KRT7: variants seen among roughly 807,000 people sequenced by gnomAD.
KRT7 encodes keratin 7, also known as keratin, type II cytoskeletal 7.
Under a neutral mutation model 42.8 loss-of-function variants are expected in KRT7, and 50 were observed. That is an observed-to-expected ratio of 1.17 (90% confidence interval 0.93 to 1.48). The LOEUF (loss-of-function observed/expected upper bound fraction) is 1.48. Among genes scored for constraint, KRT7 ranks in the 40% most tolerant of loss-of-function variants. The pLI is 0.00. For synonymous variants in KRT7, 268 were observed against 266.3 expected (o/e 1.01, Z -0.06); for missense variants, 588 against 637.6 (o/e 0.92, Z 0.84).
At chr12:52,234,420 G>GC in intron 1 of KRT7, among the ~76,000 whole-genome samples, 1 of 152,298 alleles carries the variant, frequency 6.6e-6, no homozygotes, top group Non-Finnish European at 1.5e-5. Context: ...TCTGGCCAGG[G>GC]CCCCCTTCCT....
In KRT7 at chr12:52,233,608, C is replaced by T; in HGVS notation, c.312C>T (p.Ser104=). 6.2e-7 allele frequency: 1 copy of T among 1,612,708 alleles called. No individual in the cohort carries two copies. The highest frequency in any genetic ancestry group is 8.5e-7 in the Non-Finnish European group (1 of 1,179,680). The part of the protein sequence containing the change: ...QIKTLNNKFA[S]FIDKVRFLEQ... ...AGACCCTCAACAACAAGTTTGCCTC[C>T]TTCATCGACAAGGTGAGCGGGACTG... is the stretch of plus-strand genomic sequence containing the variant. Residue 104 remains serine (S), a synonymous_variant, in exon 1 of 9, where the codon TCC becomes TCT. Coordinates refer to ENST00000331817, the MANE Select transcript of KRT7 (RefSeq NM_005556.4).
In KRT7 at chr12:52,238,682, T is replaced by A. The variant is rs1191294012; in HGVS notation, c.600T>A (p.Asp200Glu). 5.6e-6 allele frequency: 9 copies of A among 1,610,750 alleles called. No individual in the cohort carries two copies. The highest frequency in any genetic ancestry group is 6.8e-6 in the Non-Finnish European group (8 of 1,176,924). The change falls in exon 4 of 9, where the codon GAT becomes GAA. Residue 200 changes from aspartate (D) to glutamate (E), a missense_variant and splice_region_variant. Coordinates refer to ENST00000331817, the MANE Select transcript of KRT7 (RefSeq NM_005556.4). The stretch of plus-strand genomic sequence containing the variant: ...CCCCATCTTGCCCCAACCCCCAGGA[T>A]GTGGATGCTGCCTACATGAGCAAGG... ...AENEFVVLKK[D>E]VDAAYMSKVE...
downstream of KRT7, chr12:52,255,331 G>A (rs928573709): frequency 5.9e-5 from 27 of 456,674 alleles, no homozygotes; most frequent in Admixed American, 5.4e-4. Flanking sequence ...TAGGGGACAA[G>A]GATTCTGGGG....
intron 5 of KRT7, 120 bp downstream of exon 5, chr12:52,241,756 G>C: frequency 1.2e-6 from 1 of 852,878 alleles, no homozygotes; most frequent in Admixed American, 2.8e-5. Context: ...AGGCACCAGT[G>C]GTTTAAGTCT....
chr12:52,239,520 A>G (rs180888494), intron 4 of KRT7, among the ~76,000 whole-genome samples: 2 of 152,284 alleles, frequency 1.3e-5, no homozygotes, highest in Admixed American at 1.3e-4. Flanking sequence ...TCAGGAATTC[A>G]GGACAGGCTA....
At chr12:52,240,947 C>A (rs1473418963) in intron 4 of KRT7, among the ~76,000 whole-genome samples, 1 of 150,658 alleles carries the variant, frequency 6.6e-6, no homozygotes, top group Middle Eastern at 3.4e-3. Context: ...CCGACAGGCC[C>A]CGGTGTGTGA....
At chr12:52,244,891 G>A (rs1442347060) in intron 6 of KRT7, among the ~76,000 whole-genome samples, 2 of 152,120 alleles carry the variant, frequency 1.3e-5, no homozygotes, top group Non-Finnish European at 2.9e-5. Context: ...TTCTGCGCCT[G>A]CTCTCAACTG....
chr12:52,253,634 G>T, downstream of KRT7: 1 of 1,550,682 alleles, frequency 6.4e-7, no homozygotes, highest in Middle Eastern at 1.7e-4. Context: ...CCTCGGCCCG[G>T]CTGCGGGTGG....
At chr12:52,244,552 C>G in intron 6 of KRT7, 1 of 985,816 alleles carries the variant, frequency 1.0e-6, no homozygotes, top group Non-Finnish European at 1.2e-6. Flanking sequence ...AATGCTGTCT[C>G]TGGCAGAGAG....
chr12:52,233,438 CGCGTGGCCGT>C lies in KRT7; in HGVS notation c.146_155del (p.Val49AlafsTer146). On this transcript the variant is annotated frameshift_variant, in exon 1 of 9. Coordinates refer to ENST00000331817, the MANE Select transcript of KRT7 (RefSeq NM_005556.4). LOFTEE classifies it high-confidence loss of function. The stretch of plus-strand genomic sequence containing the variant: ...CTACGGCCTCGGCGCCTCACGGCCG[CGCGTGGCCGT>C]GCGCTCTGCCTATGGGGGCCCGGTG... 3.2e-6 allele frequency: 5 copies of C among 1,566,910 alleles called. No individual in the cohort carries two copies. Among genetic ancestry groups the C allele is most frequent in the Non-Finnish European group, 3.4e-6 (4 of 1,163,758 alleles).
At chr12:52,241,713 A>C (rs1322842495) in intron 5 of KRT7, 77 bp downstream of exon 5, 374 of 1,335,628 alleles carry the variant, frequency 2.8e-4, no homozygotes, top group Non-Finnish European at 3.5e-4. Context: ...AACTTGTCTC[A>C]AGCCTTCAGG....
downstream of KRT7, among the ~76,000 whole-genome samples, chr12:52,252,788 T>C (rs10876255): frequency 0.031 from 4,758 of 152,328 alleles, 208 homozygotes; most frequent in East Asian, 0.19. Flanking sequence ...CAGTTTACCA[T>C]AGTCCCTATC....
downstream of KRT7, among the ~76,000 whole-genome samples, chr12:52,252,787 A>G (rs1461522694): frequency 1.3e-5 from 2 of 152,198 alleles, no homozygotes; most frequent in East Asian, 1.9e-4. Context: ...CCAGTTTACC[A>G]TAGTCCCTAT....
intron 7 of KRT7, chr12:52,247,359 C>A (rs1255013820): frequency 6.6e-6 from 1 of 152,222 alleles, no homozygotes; most frequent in African/African-American, 2.4e-5. Context: ...AAGCAAGCCC[C>A]CTGGAAGCTT....
chr12:52,251,347 A>G (rs766757997), downstream of KRT7, among the ~76,000 whole-genome samples: 17 of 152,216 alleles, frequency 1.1e-4, no homozygotes, highest in South Asian at 2.1e-4. Flanking sequence ...CTTGGGCCAC[A>G]CATAAAATAC....
At chr12:52,253,941 G>A (rs1328813651), downstream of KRT7, among the ~76,000 whole-genome samples, 1 of 152,120 alleles carries the variant, frequency 6.6e-6, no homozygotes, top group Admixed American at 6.5e-5. Context: ...CTCAAGCCCA[G>A]AGTCCTGAGC....
chr12:52,252,461 C>T (rs545572931), downstream of KRT7: 52 of 1,614,034 alleles, frequency 3.2e-5, no homozygotes, highest in Admixed American at 1.0e-4. Context: ...ACTGGGCCAC[C>T]GCGGCCTCCA....
At chr12:52,245,720 T>C (rs1942159088) in intron 7 of KRT7, 88 bp downstream of exon 7, 1 of 1,528,070 alleles carries the variant, frequency 6.5e-7, no homozygotes, top group South Asian at 1.2e-5. Flanking sequence ...GCATTTCCTG[T>C]ATGCCCCTCC....
chr12:52,233,486 C>A lies in KRT7; in HGVS notation c.190C>A (p.Arg64Ser), dbSNP rs138391469. ...AYGGPVGAGI[R>S]EVTINQSLLA... The stretch of plus-strand genomic sequence containing the variant: ...TGGGGGCCCGGTGGGCGCCGGCATC[C>A]GCGAGGTCACCATTAACCAGAGCCT... The change falls in exon 1 of 9, where the codon CGC (arginine) becomes AGC (serine). Residue 64 changes from arginine to serine, a missense_variant. By Grantham distance (110) the Arg-to-Ser change is moderately radical. Transcript: ENST00000331817. 6.2e-7 allele frequency: 1 copy of A among 1,610,798 alleles called. No individual in the cohort carries two copies. Among genetic ancestry groups the A allele is most frequent in the South Asian group, 1.1e-5 (1 of 90,930 alleles).
Sources: gnomAD v4.1 joint callset for allele counts (sites outside exome capture counted in the v4.1 genomes callset) on GRCh38, gnomAD v4.1.1 for gene constraint, MANE v1.5 for transcripts, NCBI Gene and HGNC (gene_info 2026-07-23, HGNC 2026-07-21) for gene names.